Variants in ZRANB3 observed in about 807,000 individuals in gnomAD.
ZRANB3 encodes the protein DNA annealing helicase and endonuclease ZRANB3.
ZRANB3 carries 125 observed loss-of-function variants against 133.8 expected under a neutral mutation model. The observed-to-expected ratio is 0.93, with a 90% CI of 0.81 to 1.08. The LOEUF (loss-of-function observed/expected upper bound fraction) is 1.08. Among genes scored for constraint, ZRANB3 ranks in the 50% least tolerant of loss-of-function variants. The pLI is 0.00. For synonymous variants in ZRANB3, 387 were observed against 432.7 expected (o/e 0.89, Z 1.31); for missense variants, 1,229 against 1,275.5 (o/e 0.96, Z 0.56).
chr2:135,393,546 A>C (rs1000051349), intron 2 of ZRANB3, among the ~76,000 whole-genome samples: 3 of 152,102 alleles, frequency 2.0e-5, no homozygotes, highest in African/African-American at 7.2e-5. Flanking sequence ...AAAAGAGAAA[A>C]AGCACCAGAT....
intron 8 of ZRANB3, among the ~76,000 whole-genome samples, chr2:135,305,013 G>A (rs1318580419): frequency 6.6e-6 from 1 of 151,940 alleles, no homozygotes; most frequent in Admixed American, 6.6e-5. Flanking sequence ...GTCTCACTAT[G>A]TCGCCCAGGC....
chr2:135,225,799 C>A (rs760057253), intron 14 of ZRANB3, among the ~76,000 whole-genome samples: 2 of 152,126 alleles, frequency 1.3e-5, no homozygotes, highest in Non-Finnish European at 2.9e-5. Flanking sequence ...ATGTGTATCA[C>A]TGGAGGAATA....
At chr2:135,313,173 T>G (rs1320022290) in intron 8 of ZRANB3, among the ~76,000 whole-genome samples, 2 of 151,836 alleles carry the variant, frequency 1.3e-5, no homozygotes, top group African/African-American at 2.4e-5. Flanking sequence ...ACTTTGAGTA[T>G]GTCTGAATTT....
intron 2 of ZRANB3, among the ~76,000 whole-genome samples, chr2:135,446,034 G>C (rs987712817): frequency 4.0e-5 from 6 of 151,602 alleles, no homozygotes; most frequent in Admixed American, 3.9e-4. Context: ...CTGAAAGCCT[G>C]TCTCTACTAA....
chr2:135,512,988 G>C, intron 1 of ZRANB3, among the ~76,000 whole-genome samples: 1 of 152,102 alleles, frequency 6.6e-6, no homozygotes, highest in Admixed American at 6.6e-5. Context: ...GCAAAGACAG[G>C]AGTATTATTT....
chr2:135,306,640 A>G (rs866538109), intron 8 of ZRANB3, among the ~76,000 whole-genome samples: 1,299 of 123,686 alleles, frequency 0.011, 11 homozygotes, highest in African/African-American at 0.031. Flanking sequence ...CCAGGCTGGA[A>G]TGCAGTGGTG....
intron 6 of ZRANB3, among the ~76,000 whole-genome samples, chr2:135,329,871 A>G (rs536104998): frequency 6.6e-6 from 1 of 152,276 alleles, no homozygotes; most frequent in African/African-American, 2.4e-5. Context: ...TTTTTGGTGT[A>G]TAGGAAGGCT....
At position 135,449,568 on chromosome 2, in the gene ZRANB3, C is replaced by T. The variant is rs562074514; in HGVS notation, c.161+54761G>A. Among the ~76,000 whole-genome samples, 123 of 152,170 alleles carry T rather than the reference C, an allele frequency of 8.1e-4. 1 individual carries two copies. Among genetic ancestry groups the T allele is most frequent in the African/African-American group, 2.6e-3 (109 of 41,522 alleles). ...CCGGAAGGCAGAGGTTGCAGTGAGT[C>T]GAGATTGCTCCACTACACTCCAGCT... On this transcript the variant is annotated intron_variant, in intron 2 of 20. Coordinates refer to ENST00000264159, the MANE Select transcript of ZRANB3 (RefSeq NM_032143.4).
In ZRANB3 at chr2:135,202,882, GTCC is replaced by G; in HGVS notation, c.3088_3090del (p.Gly1030del). ...GTCTGCAGGTTGTCCAGGGAACACT[GTCC>G]TCCTCCCCCATACACTGGCTTGATG... On this transcript the variant is annotated inframe_deletion, in exon 20 of 21. Transcript: ENST00000264159. The G allele has an allele frequency of 6.2e-7, 1 of 1,611,436 alleles. No homozygotes were observed. The highest frequency in any genetic ancestry group is 8.5e-7 in the Non-Finnish European group (1 of 1,178,802).
intron 8 of ZRANB3, among the ~76,000 whole-genome samples, chr2:135,284,414 T>C (rs1656909999): frequency 6.6e-6 from 1 of 152,226 alleles, no homozygotes; most frequent in Non-Finnish European, 1.5e-5. Flanking sequence ...AAACCACCCC[T>C]TGCCCAAAGA....
At chr2:135,224,677 G>A (rs1694690008) in intron 14 of ZRANB3, among the ~76,000 whole-genome samples, 160 bp from the exon 15 acceptor site, 1 of 152,064 alleles carries the variant, frequency 6.6e-6, no homozygotes, top group Non-Finnish European at 1.5e-5. Flanking sequence ...AACTACCACG[G>A]TAGGCCATTG....
chr2:135,388,432 T>G (rs537508809), intron 3 of ZRANB3, among the ~76,000 whole-genome samples: 1 of 152,230 alleles, frequency 6.6e-6, no homozygotes, highest in South Asian at 2.1e-4. Context: ...TTCTACAACA[T>G]CAAAATGAGG....
intron 2 of ZRANB3, among the ~76,000 whole-genome samples, chr2:135,444,833 G>A (rs1689943569): frequency 6.6e-6 from 1 of 152,080 alleles, no homozygotes; most frequent in African/African-American, 2.4e-5. Flanking sequence ...CTATTAAAGC[G>A]GTAGGCGTGG....
chr2:135,346,063 A>G (rs1332717760), intron 5 of ZRANB3, among the ~76,000 whole-genome samples: 3 of 152,188 alleles, frequency 2.0e-5, no homozygotes, highest in African/African-American at 7.2e-5. Flanking sequence ...GACTCGTGAT[A>G]TTGGACATAT....
chr2:135,503,883 T>C lies in ZRANB3; in HGVS notation c.161+446A>G, dbSNP rs539098553. On this transcript the variant is annotated intron_variant, in intron 2 of 20. Transcript: ENST00000264159. ...TATTCAGGAGGCTGATGTGGCAAGA[T>C]TGCTTAAAACCAAGAGACAGAGGTT... 2.6e-5 allele frequency among the ~76,000 whole-genome samples: 4 copies of C among 151,986 alleles called. No individual in the cohort carries two copies. In the East Asian group the frequency reaches 7.7e-4, roughly 29 times the overall value.
At chr2:135,360,428 T>C (rs533674136) in intron 3 of ZRANB3, among the ~76,000 whole-genome samples, 57 of 150,864 alleles carry the variant, frequency 3.8e-4, no homozygotes, top group African/African-American at 9.7e-4. Flanking sequence ...AAACTTTGGC[T>C]GGGCACGGTG....
chr2:135,213,190 G>A (rs544926772), intron 17 of ZRANB3, among the ~76,000 whole-genome samples: 7 of 152,192 alleles, frequency 4.6e-5, no homozygotes, highest in South Asian at 2.1e-4. Context: ...GTAAAATGTC[G>A]CTGCTGTCAA....
intron 2 of ZRANB3, among the ~76,000 whole-genome samples, chr2:135,394,250 A>T (rs1320676280): frequency 2.0e-5 from 3 of 152,222 alleles, no homozygotes. Flanking sequence ...TACCAAAATT[A>T]CACCACTAAA....
chr2:135,468,545 C>T (rs1206722316), intron 2 of ZRANB3, among the ~76,000 whole-genome samples: 1 of 152,168 alleles, frequency 6.6e-6, no homozygotes, highest in East Asian at 1.9e-4. Context: ...GACAAGACAA[C>T]GTCTTATTCA....
Sources: gnomAD v4.1 joint callset for allele counts (sites outside exome capture counted in the v4.1 genomes callset) on GRCh38, gnomAD v4.1.1 for gene constraint, MANE v1.5 for transcripts, NCBI Gene and HGNC (gene_info 2026-07-23, HGNC 2026-07-21) for gene names.